The following FEZF2 variants were observed in gnomAD, a reference collection of about 807,000 sequenced individuals.
FEZF2 encodes the protein FEZ family zinc finger 2, also known as fez family zinc finger protein 2.
Under a neutral mutation model 32.8 loss-of-function variants are expected in FEZF2, and 2 were observed. The ratio of observed to expected loss-of-function variants is 0.06; its 90% CI spans 0.02 to 0.19. The LOEUF (loss-of-function observed/expected upper bound fraction) is 0.19, where lower values mean the gene tolerates loss of function less well. Among genes scored for constraint, FEZF2 ranks in the 10% least tolerant of loss-of-function variants. FEZF2 has a pLI of 1.00. For missense variants in FEZF2, 516 were observed against 625.4 expected (o/e 0.83, Z 1.87); for synonymous variants, 322 against 284.8 (o/e 1.13, Z -1.32).
At position 62,372,103 on chromosome 3, in the gene FEZF2, G is replaced by A. The variant is rs765389060; in HGVS notation, c.766C>T (p.Arg256Cys). 6.2e-7 allele frequency: 1 copy of A among 1,604,780 alleles called. No individual in the cohort carries two copies. The highest frequency in any genetic ancestry group is 1.1e-5 in the South Asian group (1 of 89,362). Residue 256 changes from arginine to cysteine, a missense_variant, in exon 2 of 5, where the codon CGC becomes TGC. Coordinates refer to ENST00000283268, the MANE Select transcript of FEZF2 (RefSeq NM_018008.4). The surrounding 1 kb of genome is among the most constrained non-coding windows in gnomAD (Gnocchi z 9.6). ...LKENSALTAE[R>C]GGVKGHSKLP... is the part of the protein sequence containing the mutation. The stretch of plus-strand genomic sequence containing the variant: ...TTGCTGTGGCCCTTGACGCCTCCGC[G>A]CTCGGCAGTCAGGGCCGAGTTTTCC...
chr3:62,370,922 T>C lies in FEZF2; in HGVS notation c.1120+295A>G, dbSNP rs1031613407. On this transcript the variant is annotated intron_variant, in intron 4 of 4. Coordinates refer to ENST00000283268, the MANE Select transcript of FEZF2 (RefSeq NM_018008.4). This position sits in a 1 kb window ranked among gnomAD's most constrained non-coding sequence, Gnocchi z 4.2. Reference sequence around the variant, plus strand: ...GTTCCGGATACAAAAGGAACCTTTTTCTATAGGGCAATACCCTCTCCTTTT... The same window carrying C: ...GTTCCGGATACAAAAGGAACCTTTTCCTATAGGGCAATACCCTCTCCTTTT... Among the ~76,000 whole-genome samples the C allele has an allele frequency of 3.3e-5, 5 of 152,170 alleles. No individual in the cohort carries two copies. Among genetic ancestry groups the C allele is most frequent in the Non-Finnish European group, 5.9e-5 (4 of 68,044 alleles).
rs756044173 is a variant in FEZF2 at position 62,372,134 on chromosome 3, T to C, written c.735A>G (p.Val245=). The C allele has an allele frequency of 3.8e-6, 6 of 1,598,518 alleles. No individual in the cohort carries two copies. Among genetic ancestry groups the C allele is most frequent in the Admixed American group, 1.7e-5 (1 of 57,378 alleles). ...KERLPAPLEQ[V]LKENSALTAE... ...CAGTCAGGGCCGAGTTTTCCTTCAG[T>C]ACCTGCTCCAGCGGCGCCGGCAAGC... Residue 245 remains valine (V), a synonymous_variant, in exon 2 of 5, where the codon GTA becomes GTG. Coordinates refer to ENST00000283268, the MANE Select transcript of FEZF2 (RefSeq NM_018008.4). This position sits in a 1 kb window ranked among gnomAD's most constrained non-coding sequence, Gnocchi z 9.6.
At chr3:62,371,080 C>G in intron 4 of FEZF2, 137 bp downstream of exon 4, 1 of 1,319,524 alleles carries the variant, frequency 7.6e-7, no homozygotes. Flanking sequence ...AGGCACAACC[C>G]GATTCTAAAG....
In FEZF2 at chr3:62,370,046, T is replaced by C. The variant is rs1412148596; in HGVS notation, c.*37A>G. The C allele has an allele frequency of 1.2e-6, 2 of 1,603,670 alleles. No individual in the cohort carries two copies. The highest frequency in any genetic ancestry group is 2.2e-5 in the East Asian group (1 of 44,566). ...TTTATATGTGTGATCTGTTTTCAGG[T>C]GGTACAGGGAGGGAAGGAAGGGCAA... On this transcript the variant is annotated 3_prime_UTR_variant, in exon 5 of 5. Transcript: ENST00000283268. This position sits in a 1 kb window ranked among gnomAD's most constrained non-coding sequence, Gnocchi z 4.2.
chr3:62,372,403 C>A lies in FEZF2; in HGVS notation c.466G>T (p.Val156Phe). The A allele has an allele frequency of 2.5e-6, 4 of 1,611,436 alleles. No individual in the cohort carries two copies. The highest frequency in any genetic ancestry group is 3.4e-6 in the Non-Finnish European group (4 of 1,179,686). Residue 156 changes from valine to phenylalanine, a missense_variant, in exon 2 of 5, where the codon GTC (valine) becomes TTC (phenylalanine). Transcript: ENST00000283268. This position sits in a 1 kb window ranked among gnomAD's most constrained non-coding sequence, Gnocchi z 9.6. ...LPAGRVIKPQ[V>F]INQAVGLPAS... ...GGCAGCCCCACAGCCTGGTTGATGA[C>A]CTGCGGCTTGATGACCCTGCCCGCG...
rs1387246325 is a variant in FEZF2 at position 62,372,790 on chromosome 3, T to C, written c.79A>G (p.Thr27Ala). The change falls in exon 2 of 5, where the codon ACA becomes GCA. Residue 27 changes from threonine to alanine, a missense_variant. By Grantham distance (58) the Thr-to-Ala change is moderately conservative (BLOSUM62 0). Around this residue, in one of 3 missense-constraint regions of FEZF2, gnomAD observed 408 missense variants for 382.2 expected, o/e 1.07. Transcript: ENST00000283268. This position sits in a 1 kb window ranked among gnomAD's most constrained non-coding sequence, Gnocchi z 9.6. ...RAGASPATSK[T>A]LAFSIERIMA... ...ATGCGCTCGATGGAAAAGGCCAGTGTCTTGGAAGTGGCCGGCGACGCTCCG... is the reference window on the plus strand; with the variant it reads ...ATGCGCTCGATGGAAAAGGCCAGTGCCTTGGAAGTGGCCGGCGACGCTCCG... The C allele has an allele frequency of 1.3e-6, 2 of 1,589,352 alleles. No homozygotes were observed. Among genetic ancestry groups the C allele is most frequent in the Non-Finnish European group, 1.7e-6 (2 of 1,167,072 alleles).
rs1704294465 is a variant in FEZF2, at chr3:62,372,847, C to T, written c.22G>A (p.Glu8Lys). 7 of 1,462,614 alleles carry T rather than the reference C, an allele frequency of 4.8e-6. No individual in the cohort carries two copies. Among genetic ancestry groups the T allele is most frequent in the South Asian group, 1.4e-5 (1 of 72,550 alleles). 90.6% of individuals were successfully genotyped at this position (1,462,614 alleles called of 1,614,324 possible). MASSASL[E>K]TMVPPACPRA... ...GGGCAGGCCGGGGGCACCATGGTCTCCAGGGAAGCCGAGCTTGCCATGGCG... is the reference window on the plus strand; with the variant it reads ...GGGCAGGCCGGGGGCACCATGGTCTTCAGGGAAGCCGAGCTTGCCATGGCG... Residue 8 changes from glutamate to lysine, a missense_variant, in exon 2 of 5, where the codon GAG becomes AAG. Transcript: ENST00000283268. The surrounding 1 kb of genome is among the most constrained non-coding windows in gnomAD (Gnocchi z 9.6).
intron 4 of FEZF2, 149 bp downstream of exon 4, chr3:62,371,068 C>T: frequency 8.3e-7 from 1 of 1,204,202 alleles, no homozygotes; most frequent in East Asian, 2.3e-5. Flanking sequence ...TCCCCCTACA[C>T]CAGGCACAAC....
Position 62,371,230 on chromosome 3 carries a change from G to C in FEZF2, c.1107C>G (p.Gly369=). ...KPFVCEFCGK[G]FHQKGNYKNH... Reference sequence around the variant, plus strand: ...CTGGCACGTTACCTTTTTGGTGAAAGCCTTTGCCGCAAAATTCGCAGACGA... The same window carrying C: ...CTGGCACGTTACCTTTTTGGTGAAACCCTTTGCCGCAAAATTCGCAGACGA... The change falls in exon 4 of 5, where the codon GGC becomes GGG. Residue 369 remains glycine (G), a synonymous_variant. Transcript: ENST00000283268. 5 of 1,614,254 alleles carry C rather than the reference G, an allele frequency of 3.1e-6. No individual in the cohort carries two copies. Among genetic ancestry groups the C allele is most frequent in the Non-Finnish European group, 4.2e-6 (5 of 1,180,050 alleles).
At chr3:62,371,868 G>A (rs1704274442) in intron 2 of FEZF2, 149 bp downstream of exon 2, 36 of 1,405,276 alleles carry the variant, frequency 2.6e-5, no homozygotes, top group Non-Finnish European at 3.4e-5. Context: ...TTACAGAATA[G>A]GAAACTGAGG....
At position 62,371,000 on chromosome 3, in the gene FEZF2, G is replaced by C. The variant is rs528046285; in HGVS notation, c.1120+217C>G. 2.0e-5 allele frequency among the ~76,000 whole-genome samples: 3 copies of C among 152,272 alleles called. No homozygotes were observed. The South Asian group carries it at 6.2e-4, about 32-fold the overall frequency. ...CTTCCTTCGACCTCTCGAATTCGGAGTCTCTCAGTGCACCCAGCCTGCATA... is the reference window on the plus strand; with the variant it reads ...CTTCCTTCGACCTCTCGAATTCGGACTCTCTCAGTGCACCCAGCCTGCATA... On this transcript the variant is annotated intron_variant, in intron 4 of 4. Transcript: ENST00000283268. This position sits in a 1 kb window ranked among gnomAD's most constrained non-coding sequence, Gnocchi z 4.2.
In FEZF2 at chr3:62,370,063, G is replaced by T. The variant is rs1452139718; in HGVS notation, c.*20C>A. The T allele has an allele frequency of 6.2e-7, 1 of 1,610,664 alleles. No individual in the cohort carries two copies. The highest frequency in any genetic ancestry group is 8.5e-7 in the Non-Finnish European group (1 of 1,177,196). On this transcript the variant is annotated 3_prime_UTR_variant, in exon 5 of 5. Transcript: ENST00000283268. This position sits in a 1 kb window ranked among gnomAD's most constrained non-coding sequence, Gnocchi z 4.2. ...TTTTCAGGTGGTACAGGGAGGGAAGGAAGGGCAAGGCAGTAGCTCTCAGCT... is the reference window on the plus strand; with the variant it reads ...TTTTCAGGTGGTACAGGGAGGGAAGTAAGGGCAAGGCAGTAGCTCTCAGCT...
rs1297826416 is a variant in FEZF2 at position 62,371,066 on chromosome 3, C to T, written c.1120+151G>A. 1.3e-5 allele frequency: 15 copies of T among 1,185,638 alleles called. No individual in the cohort carries two copies. In the Admixed American group the frequency reaches 2.7e-4, roughly 22 times the overall value. The allele number at this position is 1,185,638 out of a possible 1,614,324, so 73.4% of individuals were successfully genotyped here. A position where few individuals can be genotyped will look rare whatever the true frequency, so the allele number is the denominator to read the frequency against. On this transcript the variant is annotated intron_variant, in intron 4 of 4. Transcript: ENST00000283268. The stretch of plus-strand genomic sequence containing the variant: ...ACCCCGCTAGGAGAGCTTCCCCCTA[C>T]ACCAGGCACAACCCGATTCTAAAGA...
Position 62,372,380 on chromosome 3 carries a change from C to T in FEZF2, c.489G>A (p.Leu163=), listed in dbSNP as rs1288103004. The T allele has an allele frequency of 6.2e-7, 1 of 1,611,358 alleles. No homozygotes were observed. The highest frequency in any genetic ancestry group is 2.2e-5 in the East Asian group (1 of 44,820). The change falls in exon 2 of 5, where the codon CTG becomes CTA. Residue 163 remains leucine (L), a synonymous_variant. Coordinates refer to ENST00000283268, the MANE Select transcript of FEZF2 (RefSeq NM_018008.4). The surrounding 1 kb of genome is among the most constrained non-coding windows in gnomAD (Gnocchi z 9.6). ...KPQVINQAVG[L]PASGSLYYFN... ...AGTAGTAGAGCGAGCCGCTGGCCGGCAGCCCCACAGCCTGGTTGATGACCT... is the reference window on the plus strand; with the variant it reads ...AGTAGTAGAGCGAGCCGCTGGCCGGTAGCCCCACAGCCTGGTTGATGACCT...
chr3:62,371,121 C>T, intron 4 of FEZF2, 96 bp downstream of exon 4: 1 of 1,581,296 alleles, frequency 6.3e-7, no homozygotes, highest in Non-Finnish European at 8.7e-7. Context: ...CAGATTTCGC[C>T]TTCTCTCTCC....
chr3:62,372,028 C>A lies in FEZF2; in HGVS notation c.841G>T (p.Val281Leu). The change falls in exon 2 of 5, where the codon GTG (valine) becomes TTG (leucine). Residue 281 changes from valine to leucine, a missense_variant. By Grantham distance (32) the Val-to-Leu change is conservative. Around this residue, in one of 3 missense-constraint regions of FEZF2, gnomAD observed 79 missense variants for 219.4 expected, o/e 0.36. Coordinates refer to ENST00000283268, the MANE Select transcript of FEZF2 (RefSeq NM_018008.4). The surrounding 1 kb of genome is among the most constrained non-coding windows in gnomAD (Gnocchi z 9.6). ...ACCCTGGGCCTCACCTTGCCGCACA[C>A]CTCGCAGGTGAAGTTTTTGGGCTTG... ...DGKPKNFTCE[V>L]CGKVFNAHYN... The A allele has an allele frequency of 6.2e-7, 1 of 1,605,788 alleles. No individual in the cohort carries two copies. The highest frequency in any genetic ancestry group is 8.5e-7 in the Non-Finnish European group (1 of 1,179,480).
In FEZF2 at chr3:62,372,818, G is replaced by A. The variant is rs1469476348; in HGVS notation, c.51C>T (p.Arg17=). Residue 17 remains arginine (R), a synonymous_variant, in exon 2 of 5, where the codon CGC becomes CGT. Coordinates refer to ENST00000283268, the MANE Select transcript of FEZF2 (RefSeq NM_018008.4). The surrounding 1 kb of genome is among the most constrained non-coding windows in gnomAD (Gnocchi z 9.6). ...LETMVPPACP[R]AGASPATSKT... ...TGGAAGTGGCCGGCGACGCTCCGGCGCGCGGGCAGGCCGGGGGCACCATGG... is the reference window on the plus strand; with the variant it reads ...TGGAAGTGGCCGGCGACGCTCCGGCACGCGGGCAGGCCGGGGGCACCATGG... 1 of 1,527,484 alleles carries A rather than the reference G, an allele frequency of 6.5e-7. No homozygotes were observed. The highest frequency in any genetic ancestry group is 8.8e-7 in the Non-Finnish European group (1 of 1,131,874). 94.6% of individuals were successfully genotyped at this position (1,527,484 alleles called of 1,614,324 possible).
Position 62,369,944 on chromosome 3 carries a change from CA to C in FEZF2, c.*138del. On this transcript the variant is annotated 3_prime_UTR_variant, in exon 5 of 5. Transcript: ENST00000283268. This position sits in a 1 kb window ranked among gnomAD's most constrained non-coding sequence, Gnocchi z 4.2. ...GTCATCGAGGAAACATTTAGCTTTC[CA>C]AAAATATGCTGGTTTCGATAAATAG... 8.7e-7 allele frequency: 1 copy of C among 1,145,094 alleles called. No homozygotes were observed. The highest frequency in any genetic ancestry group is 1.2e-6 in the Non-Finnish European group (1 of 844,392). The allele number at this position is 1,145,094 out of a possible 1,614,324, so 70.9% of individuals were successfully genotyped here. A position where few individuals can be genotyped will look rare whatever the true frequency, so the allele number is the denominator to read the frequency against.
intron 4 of FEZF2, 97 bp downstream of exon 4, chr3:62,371,120 C>A: frequency 6.3e-7 from 1 of 1,576,416 alleles, no homozygotes; most frequent in Non-Finnish European, 8.7e-7. Flanking sequence ...GCAGATTTCG[C>A]CTTCTCTCTC....
Sources: gnomAD v4.1 joint callset for allele counts (sites outside exome capture counted in the v4.1 genomes callset) on GRCh38, gnomAD v4.1.1 for gene constraint, gnomAD v4.1.1 regional missense constraint, Gnocchi (gnomAD v3.1) non-coding constraint, MANE v1.5 for transcripts, NCBI Gene and HGNC (gene_info 2026-07-23, HGNC 2026-07-21) for gene names.